IGFBP3: variants seen among roughly 807,000 people sequenced by gnomAD.
IGFBP3 encodes the protein insulin-like growth factor-binding protein 3.
A neutral mutation model predicts 28.6 loss-of-function variants in IGFBP3; 9 were observed. The ratio of observed to expected loss-of-function variants is 0.31; its 90% CI spans 0.19 to 0.55. The LOEUF (loss-of-function observed/expected upper bound fraction) is 0.55, where lower values mean the gene tolerates loss of function less well. Among genes scored for constraint, IGFBP3 ranks in the 20% least tolerant of loss-of-function variants. The pLI is 0.93. For synonymous variants in IGFBP3, 185 were observed against 188.2 expected (o/e 0.98, Z 0.14); for missense variants, 382 against 428.9 (o/e 0.89, Z 0.97).
At chr7:45,914,337 C>T (rs1296319379) in intron 4 of IGFBP3, 2 of 152,252 alleles carry the variant, frequency 1.3e-5, no homozygotes, top group African/African-American at 4.8e-5. Flanking sequence ...AAAAAAGCTG[C>T]ATCTTCAAAC....
At chr7:45,920,463 C>G (rs1373328831) in intron 1 of IGFBP3, 1 of 373,614 alleles carries the variant, frequency 2.7e-6, no homozygotes, top group African/African-American at 2.1e-5. Flanking sequence ...GTACCGCTCC[C>G]CTCAGCTCCG....
rs1000366084 is a variant in IGFBP3 at position 45,913,019 on chromosome 7, T to C, written c.*831A>G. On this transcript the variant is annotated 3_prime_UTR_variant, in exon 5 of 5. Coordinates refer to ENST00000613132, the MANE Select transcript of IGFBP3 (RefSeq NM_000598.5). ...AACTACAAAACACTATTTTCTGCAG[T>C]CATCCGAAGAATTGTGCCATTACTT... 6.6e-6 allele frequency: 1 copy of C among 152,166 alleles called. No individual in the cohort carries two copies. Among genetic ancestry groups the C allele is most frequent in the Non-Finnish European group, 1.5e-5 (1 of 68,042 alleles). 9.4% of individuals were successfully genotyped at this position (152,166 alleles called of 1,614,324 possible). A position where few individuals can be genotyped will look rare whatever the true frequency, so the allele number is the denominator to read the frequency against.
chr7:45,921,237 G>A lies in IGFBP3; in HGVS notation c.-97C>T, dbSNP rs1161583732. On this transcript the variant is annotated 5_prime_UTR_variant, in exon 1 of 5. Transcript: ENST00000613132. The stretch of plus-strand genomic sequence containing the variant: ...AGCTGTGGAATCCAGGCAGGAAGCG[G>A]CTGATCCTCAGCGCCCAGCCGCAGT... The A allele has an allele frequency of 7.9e-6, 11 of 1,384,136 alleles. 1 individual carries two copies. The East Asian group carries it at 1.1e-4, about 14-fold the overall frequency. 85.7% of individuals were successfully genotyped at this position (1,384,136 alleles called of 1,614,324 possible).
In IGFBP3 at chr7:45,917,748, C is replaced by T. The variant is rs79321788; in HGVS notation, c.404-309G>A. Among the ~76,000 whole-genome samples, 213 of 152,322 alleles carry T rather than the reference C, an allele frequency of 1.4e-3. 1 individual carries two copies. The highest frequency in any genetic ancestry group is 4.8e-3 in the African/African-American group (199 of 41,570). The stretch of plus-strand genomic sequence containing the variant: ...CTCAGTAGGTGAAGGCAGTATGCTT[C>T]ATCTTCCACCGGCAGGGGGCAGACC... On this transcript the variant is annotated intron_variant, in intron 1 of 4. Coordinates refer to ENST00000613132, the MANE Select transcript of IGFBP3 (RefSeq NM_000598.5).
Position 45,921,172 on chromosome 7 carries a change from G to T in IGFBP3, c.-32C>A. ...TGCAACCGGGGCACGCTGCTTGGCA[G>T]GCTGGGCGCGCAGGGATGGGGCGAC... On this transcript the variant is annotated 5_prime_UTR_variant, in exon 1 of 5. It adds an upstream start codon to the 5' untranslated region. Transcript: ENST00000613132. 1 of 1,503,490 alleles carries T rather than the reference G, an allele frequency of 6.7e-7. No individual in the cohort carries two copies. Among genetic ancestry groups the T allele is most frequent in the East Asian group, 2.7e-5 (1 of 36,782 alleles). The allele number at this position is 1,503,490 out of a possible 1,614,324, so 93.1% of individuals were successfully genotyped here. A position where few individuals can be genotyped will look rare whatever the true frequency, so the allele number is the denominator to read the frequency against.
intron 4 of IGFBP3, chr7:45,914,361 A>G (rs1242745877): frequency 1.3e-5 from 2 of 152,660 alleles, no homozygotes; most frequent in African/African-American, 4.8e-5. Context: ...TGCTCTCCCA[A>G]CTGAGCTATT....
At position 45,920,935 on chromosome 7, in the gene IGFBP3, C is replaced by A; in HGVS notation, c.206G>T (p.Cys69Phe). The A allele has an allele frequency of 7.1e-7, 1 of 1,403,160 alleles. No individual in the cohort carries two copies. The highest frequency in any genetic ancestry group is 9.2e-7 in the Non-Finnish European group (1 of 1,084,294). 86.9% of individuals were successfully genotyped at this position (1,403,160 alleles called of 1,614,324 possible). Residue 69 changes from cysteine (C) to phenylalanine (F), a missense_variant, in exon 1 of 5, where the codon TGC becomes TTC. By Grantham distance (205) the Cys-to-Phe change is radical. Coordinates refer to ENST00000613132, the MANE Select transcript of IGFBP3 (RefSeq NM_000598.5). ...CTCGCTCAGTGCGCACGTCAGGCAGCAGCCGCAGCCCGGCTCGCGCACCAG... is the reference window on the plus strand; with the variant it reads ...CTCGCTCAGTGCGCACGTCAGGCAGAAGCCGCAGCCCGGCTCGCGCACCAG... ...AELVREPGCG[C>F]CLTCALSEGQ...
intron 1 of IGFBP3, among the ~76,000 whole-genome samples, chr7:45,918,165 G>A (rs1784639159): frequency 6.6e-6 from 1 of 152,008 alleles, no homozygotes; most frequent in Admixed American, 6.5e-5. Context: ...TCTTGCTGGT[G>A]CCTGCCTAAG....
chr7:45,915,049 G>T, intron 3 of IGFBP3, 104 bp from the exon 4 acceptor site: 1 of 1,361,564 alleles, frequency 7.3e-7, no homozygotes, highest in Non-Finnish European at 1.0e-6. Context: ...CTGCTATGCT[G>T]AGAAAGCACA....
intron 2 of IGFBP3, 33 bp downstream of exon 2, chr7:45,917,180 C>A (rs1222951597): frequency 6.5e-7 from 1 of 1,545,388 alleles, no homozygotes; most frequent in Admixed American, 1.7e-5. Flanking sequence ...GCAGGTCTTG[C>A]CCTCCTCCTT....
intron 1 of IGFBP3, among the ~76,000 whole-genome samples, chr7:45,917,648 G>C (rs1784628603): frequency 1.3e-5 from 2 of 152,036 alleles, no homozygotes. Flanking sequence ...GAAGTTATCT[G>C]TTTGAAAGTC....
At chr7:45,914,982 T>C in intron 3 of IGFBP3, 37 bp from the exon 4 acceptor site, 1 of 1,611,640 alleles carries the variant, frequency 6.2e-7, no homozygotes, top group Non-Finnish European at 8.5e-7. Flanking sequence ...AAGTGAATGC[T>C]CCTGGGTCTG....
In IGFBP3 at chr7:45,914,956, G is replaced by C. The variant is rs1239948082; in HGVS notation, c.751-11C>G. On this transcript the variant is annotated splice_polypyrimidine_tract_variant and intron_variant, in intron 3 of 4. Transcript: ENST00000613132. ...TTTGGAAGGGCGACACTGTGGGAGA[G>C]AAACAGAAGACAGAGAAGTGAATGC... 2 of 1,613,554 alleles carry C rather than the reference G, an allele frequency of 1.2e-6. No homozygotes were observed. Among genetic ancestry groups the C allele is most frequent in the Non-Finnish European group, 8.5e-7 (1 of 1,179,858 alleles).
At chr7:45,919,728 G>C (rs1784658389) in intron 1 of IGFBP3, among the ~76,000 whole-genome samples, 1 of 152,180 alleles carries the variant, frequency 6.6e-6, no homozygotes, top group Admixed American at 6.5e-5. Flanking sequence ...GGTGAGGCTG[G>C]CTAAGAATGC....
intron 1 of IGFBP3, among the ~76,000 whole-genome samples, chr7:45,918,159 G>T (rs1784638991): frequency 6.6e-6 from 1 of 152,116 alleles, no homozygotes; most frequent in Non-Finnish European, 1.5e-5. Context: ...TGTGCATCTT[G>T]CTGGTGCCTG....
At chr7:45,914,377 T>C (rs2116572956) in intron 4 of IGFBP3, 1 of 153,058 alleles carries the variant, frequency 6.5e-6, no homozygotes, top group East Asian at 1.9e-4. Flanking sequence ...CTATTTCAGC[T>C]GTCTCACATT....
In IGFBP3 at chr7:45,921,005, G is replaced by A; in HGVS notation, c.136C>T (p.Arg46Cys). The change falls in exon 1 of 5, where the codon CGT becomes TGT. Residue 46 changes from arginine (R) to cysteine (C), a missense_variant. Coordinates refer to ENST00000613132, the MANE Select transcript of IGFBP3 (RefSeq NM_000598.5). ...PVVRCEPCDA[R>C]ALAQCAPPPA... ...GGAGGCGCGCACTGGGCCAGTGCAC[G>A]CGCGTCGCACGGCTCGCAGCGCACC... The A allele has an allele frequency of 1.4e-6, 2 of 1,388,320 alleles. No homozygotes were observed. The highest frequency in any genetic ancestry group is 1.9e-6 in the Non-Finnish European group (2 of 1,080,216). 86.0% of individuals were successfully genotyped at this position (1,388,320 alleles called of 1,614,324 possible).
chr7:45,916,401 C>T, intron 3 of IGFBP3, 147 bp downstream of exon 3: 1 of 685,284 alleles, frequency 1.5e-6, no homozygotes, highest in Non-Finnish European at 2.4e-6. Flanking sequence ...TTGGTCTGAC[C>T]TCCTGAGACT....
rs138535167 is a variant in IGFBP3, at chr7:45,917,320, T to C, written c.523A>G (p.Ile175Val). 2 of 1,614,008 alleles carry C rather than the reference T, an allele frequency of 1.2e-6. No individual in the cohort carries two copies. The highest frequency in any genetic ancestry group is 2.7e-5 in the African/African-American group (2 of 74,912). ...CTGTCTTTAGCATGCCCTTTCTTGA[T>C]GATGATTATCTTTGAATGGAGGGGG... ...FHPLHSKIIIIKKGHAKDSQR... is the reference protein window; with the variant it reads ...FHPLHSKIIIVKKGHAKDSQR... The change falls in exon 2 of 5, where the codon ATC (isoleucine) becomes GTC (valine). Residue 175 changes from isoleucine to valine, a missense_variant. Physicochemically the swap from Ile to Val is conservative, Grantham distance 29. Transcript: ENST00000613132.
Sources: gnomAD v4.1 joint callset for allele counts (sites outside exome capture counted in the v4.1 genomes callset) on GRCh38, gnomAD v4.1.1 for gene constraint, MANE v1.5 for transcripts, NCBI Gene and HGNC (gene_info 2026-07-23, HGNC 2026-07-21) for gene names.